ARPP21: variants seen among roughly 807,000 people sequenced by gnomAD.
ARPP21 encodes the protein cAMP regulated phosphoprotein 21, also known as cAMP-regulated phosphoprotein 21.
A neutral mutation model predicts 113.2 loss-of-function variants in ARPP21; 69 were observed. The observed-to-expected ratio is 0.61, with a 90% CI of 0.50 to 0.74. ARPP21 has a LOEUF of 0.74. Among genes scored for constraint, ARPP21 ranks in the 30% least tolerant of loss-of-function variants. The pLI is 0.00. For synonymous variants in ARPP21, 368 were observed against 375.5 expected (o/e 0.98, Z 0.23); for missense variants, 1,070 against 1,037.4 (o/e 1.03, Z -0.43).
intron 18 of ARPP21, among the ~76,000 whole-genome samples, chr3:35,742,574 C>A (rs771654512): frequency 1.3e-5 from 2 of 152,212 alleles, no homozygotes; most frequent in African/African-American, 4.8e-5. Context: ...AGTTATAATT[C>A]ATCATGATTC....
Position 35,690,874 on chromosome 3 carries a change from T to C in ARPP21, c.555T>C (p.Tyr185=), listed in dbSNP as rs2082065222. 1 of 1,603,968 alleles carries C rather than the reference T, an allele frequency of 6.2e-7. No individual in the cohort carries two copies. Among genetic ancestry groups the C allele is most frequent in the Non-Finnish European group, 8.5e-7 (1 of 1,175,992 alleles). The part of the protein sequence containing the change: ...IDFIADNNNH[Y]KKFPQMSSYQ... The stretch of plus-strand genomic sequence containing the variant: ...TTGAATTATGTTCTAGTAATCATTA[T>C]AAAAAGTTCCCTCAGATGTCATCGT... Residue 185 remains tyrosine, a synonymous_variant, in exon 9 of 21, where the codon TAT becomes TAC. Coordinates refer to ENST00000684406, the MANE Select transcript of ARPP21 (RefSeq NM_001385562.1).
intron 19 of ARPP21, among the ~76,000 whole-genome samples, chr3:35,787,963 C>T (rs1201544757): frequency 2.6e-5 from 4 of 152,114 alleles, no homozygotes; most frequent in Non-Finnish European, 4.4e-5. Flanking sequence ...TTCTCTTCTG[C>T]AAATGGAGTT....
At chr3:35,651,117 A>G (rs912984733) in intron 1 of ARPP21, among the ~76,000 whole-genome samples, 5 of 152,144 alleles carry the variant, frequency 3.3e-5, no homozygotes, top group Non-Finnish European at 7.4e-5. Context: ...ATGAAATTTA[A>G]ATGGTTCTGT....
intron 15 of ARPP21, among the ~76,000 whole-genome samples, chr3:35,730,225 T>C (rs2150496396): frequency 6.6e-6 from 1 of 152,328 alleles, no homozygotes; most frequent in Non-Finnish European, 1.5e-5. Context: ...GTCAGTTGAC[T>C]TCCACATTGA....
At chr3:35,682,961 G>T in intron 4 of ARPP21, 72 bp downstream of exon 4, 1 of 1,379,744 alleles carries the variant, frequency 7.2e-7, no homozygotes, top group African/African-American at 1.5e-5. Flanking sequence ...CAGAGTTAAA[G>T]GATTTGCCAG....
At chr3:35,670,349 C>G (rs560188093) in intron 1 of ARPP21, among the ~76,000 whole-genome samples, 2 of 152,000 alleles carry the variant, frequency 1.3e-5, no homozygotes, top group Admixed American at 1.3e-4. Flanking sequence ...TCTCTCACTT[C>G]TCCTTCAAAC....
intron 19 of ARPP21, among the ~76,000 whole-genome samples, chr3:35,773,124 A>T (rs776317328): frequency 2.4e-4 from 36 of 152,308 alleles, no homozygotes; most frequent in Non-Finnish European, 4.9e-4. Flanking sequence ...AGGATAAAAC[A>T]TATTGTTACA....
At chr3:35,773,168 C>T (rs2096258342) in intron 19 of ARPP21, among the ~76,000 whole-genome samples, 1 of 152,044 alleles carries the variant, frequency 6.6e-6, no homozygotes, top group African/African-American at 2.4e-5. Context: ...CTGGGAGTGG[C>T]GTACTCTTAG....
chr3:35,761,264 G>C (rs1478915680), intron 19 of ARPP21, among the ~76,000 whole-genome samples: 1 of 152,142 alleles, frequency 6.6e-6, no homozygotes, highest in Non-Finnish European at 1.5e-5. Flanking sequence ...TATATTTAGA[G>C]ATGCATTTGG....
intron 1 of ARPP21, among the ~76,000 whole-genome samples, chr3:35,644,469 A>G (rs2148875125): frequency 6.6e-6 from 1 of 151,984 alleles, no homozygotes; most frequent in East Asian, 1.9e-4. Context: ...TTCATTCAGC[A>G]GTTTTTAAAT....
chr3:35,650,587 A>G (rs756522704), intron 1 of ARPP21: 8 of 152,162 alleles, frequency 5.3e-5, no homozygotes, highest in African/African-American at 1.7e-4. Context: ...CTTTGAGGGT[A>G]GAAAAATATT....
intron 19 of ARPP21, among the ~76,000 whole-genome samples, chr3:35,767,327 A>T (rs912675941): frequency 1.4e-4 from 22 of 152,162 alleles, no homozygotes; most frequent in African/African-American, 5.3e-4. Flanking sequence ...ATATGAAGAT[A>T]TCATGTCTTA....
intron 11 of ARPP21, among the ~76,000 whole-genome samples, chr3:35,714,103 G>T (rs2091939917): frequency 6.6e-6 from 1 of 152,128 alleles, no homozygotes; most frequent in Non-Finnish European, 1.5e-5. Context: ...TAAATGTCAA[G>T]TTTTTTAAAA....
chr3:35,648,398 A>G (rs1701080638), intron 1 of ARPP21, among the ~76,000 whole-genome samples: 1 of 152,204 alleles, frequency 6.6e-6, no homozygotes, highest in East Asian at 1.9e-4. Context: ...AAAATCCTGC[A>G]CTAGTGGATG....
chr3:35,792,315 T>C lies in ARPP21; in HGVS notation c.2138-67T>C, dbSNP rs190435332. 5.7e-3 allele frequency: 8,427 copies of C among 1,466,390 alleles called. 38 individuals carry two copies. Among genetic ancestry groups the C allele is most frequent in the Non-Finnish European group, 7.4e-3 (7,795 of 1,054,216 alleles). The allele number at this position is 1,466,390 out of a possible 1,614,324, so 90.8% of individuals were successfully genotyped here. On this transcript the variant is annotated intron_variant, in intron 19 of 20. Coordinates refer to ENST00000684406, the MANE Select transcript of ARPP21 (RefSeq NM_001385562.1). ...GAAGGCTGCCTTTTGAACCAGTAGT[T>C]TTACCCCATGAAACATCACTGTGTT...
intron 1 of ARPP21, among the ~76,000 whole-genome samples, chr3:35,672,212 G>A (rs1054701192): frequency 3.3e-5 from 5 of 152,008 alleles, no homozygotes; most frequent in African/African-American, 1.2e-4. Context: ...TTCCTAGCAA[G>A]CACCATCTCT....
intron 11 of ARPP21, among the ~76,000 whole-genome samples, chr3:35,712,078 T>C (rs1481867380): frequency 6.6e-6 from 1 of 152,186 alleles, no homozygotes; most frequent in East Asian, 1.9e-4. Flanking sequence ...CAGCACACTT[T>C]AGGGGACCCT....
intron 9 of ARPP21, among the ~76,000 whole-genome samples, chr3:35,692,212 G>A (rs2082437829): frequency 6.6e-6 from 1 of 151,692 alleles, no homozygotes; most frequent in Non-Finnish European, 1.5e-5. Flanking sequence ...ATTCAGTCCT[G>A]TAGTTGCATT....
At chr3:35,684,734 G>A in intron 5 of ARPP21, 3 of 984,716 alleles carry the variant, frequency 3.0e-6, no homozygotes, top group African/African-American at 3.5e-5. Flanking sequence ...GAAACAGAGA[G>A]CATTGAGAGC....
Sources: gnomAD v4.1 joint callset for allele counts (sites outside exome capture counted in the v4.1 genomes callset) on GRCh38, gnomAD v4.1.1 for gene constraint, MANE v1.5 for transcripts, NCBI Gene and HGNC (gene_info 2026-07-23, HGNC 2026-07-21) for gene names.